Variants in DAPK1 observed in about 807,000 individuals in gnomAD.
DAPK1 encodes the protein death-associated protein kinase 1.
A neutral mutation model predicts 144.9 loss-of-function variants in DAPK1; 56 were observed. The observed-to-expected ratio is 0.39, with a 90% CI of 0.31 to 0.48. The LOEUF (loss-of-function observed/expected upper bound fraction) is 0.48. Ranked by LOEUF, DAPK1 falls within the 20% of genes least tolerant of loss-of-function variation. The pLI, the probability that DAPK1 is intolerant of heterozygous loss-of-function variation, is 0.95. For missense variants in DAPK1, 1,454 were observed against 1,875.4 expected (o/e 0.78, Z 4.15); for synonymous variants, 690 against 749.0 (o/e 0.92, Z 1.29).
At chr9:87,682,691 A>G (rs966226056) in intron 20 of DAPK1, among the ~76,000 whole-genome samples, 2 of 152,256 alleles carry the variant, frequency 1.3e-5, no homozygotes, top group African/African-American at 4.8e-5. Context: ...GCTGATACAT[A>G]TGTCAATATT....
chr9:87,659,716 A>C (rs1222900492), intron 18 of DAPK1, among the ~76,000 whole-genome samples: 1 of 152,126 alleles, frequency 6.6e-6, no homozygotes, highest in Non-Finnish European at 1.5e-5. Flanking sequence ...TTGCCACCGC[A>C]GGAAAAGCGT....
chr9:87,636,600 G>A (rs952837363), intron 3 of DAPK1, among the ~76,000 whole-genome samples: 1 of 152,122 alleles, frequency 6.6e-6, no homozygotes, highest in Non-Finnish European at 1.5e-5. Context: ...TGACCTGGAG[G>A]GTGAAGGCAT....
chr9:87,669,565 C>T (rs1023757945), intron 19 of DAPK1, among the ~76,000 whole-genome samples: 1 of 151,712 alleles, frequency 6.6e-6, no homozygotes, highest in South Asian at 2.1e-4. Flanking sequence ...TTAAAAACCA[C>T]AAACTATCTA....
At chr9:87,649,013 A>G (rs1301679052) in intron 15 of DAPK1, 134 bp downstream of exon 15, 2 of 742,370 alleles carry the variant, frequency 2.7e-6, no homozygotes, top group Non-Finnish European at 4.5e-6. Context: ...GCAAGGCTCA[A>G]GGGGCAGGGA....
intron 13 of DAPK1, 76 bp downstream of exon 13, chr9:87,646,635 GA>G: frequency 1.5e-5 from 18 of 1,176,802 alleles, no homozygotes; most frequent in Non-Finnish European, 2.1e-5. Flanking sequence ...GGTAACAGAG[GA>G]AAAAAATTTA....
chr9:87,691,139 T>C (rs1438219975), intron 21 of DAPK1, among the ~76,000 whole-genome samples: 4 of 151,990 alleles, frequency 2.6e-5, no homozygotes, highest in African/African-American at 7.2e-5. Flanking sequence ...ACTTCTCTTT[T>C]TGGGGAGGCT....
chr9:87,587,415 A>G (rs1165228236), intron 2 of DAPK1, among the ~76,000 whole-genome samples: 2 of 152,206 alleles, frequency 1.3e-5, no homozygotes, highest in Non-Finnish European at 2.9e-5. Context: ...CAAAGTCAGC[A>G]TGAGAAATTT....
At chr9:87,695,659 T>G (rs1014022863) in intron 21 of DAPK1, among the ~76,000 whole-genome samples, 1 of 152,158 alleles carries the variant, frequency 6.6e-6, no homozygotes, top group Non-Finnish European at 1.5e-5. Flanking sequence ...GCACCTCCTG[T>G]GTAGGCAGAA....
intron 2 of DAPK1, among the ~76,000 whole-genome samples, chr9:87,558,362 C>T (rs1403483530): frequency 6.6e-6 from 1 of 152,078 alleles, no homozygotes; most frequent in Non-Finnish European, 1.5e-5. Context: ...TGAGGATATA[C>T]CCACAGATCA....
chr9:87,569,516 A>G (rs1366822717), intron 2 of DAPK1, among the ~76,000 whole-genome samples: 1 of 152,192 alleles, frequency 6.6e-6, no homozygotes, highest in African/African-American at 2.4e-5. Context: ...CCTACTTTTG[A>G]CAAGCAGTTG....
chr9:87,615,411 A>G (rs1245140492), intron 3 of DAPK1, among the ~76,000 whole-genome samples: 1 of 152,354 alleles, frequency 6.6e-6, no homozygotes, highest in Middle Eastern at 3.4e-3. Flanking sequence ...GTGACCGAGC[A>G]TGGCTACTGT....
At chr9:87,606,106 C>T (rs535348612) in intron 3 of DAPK1, among the ~76,000 whole-genome samples, 10 of 152,326 alleles carry the variant, frequency 6.6e-5, no homozygotes, top group African/African-American at 2.4e-5. Flanking sequence ...ATCCAACAGT[C>T]CCCTTCTTTG....
chr9:87,650,219 A>G, intron 16 of DAPK1, 101 bp downstream of exon 16: 2 of 1,197,712 alleles, frequency 1.7e-6, no homozygotes, highest in African/African-American at 1.5e-5. Flanking sequence ...ACAAACTTGA[A>G]TGCAGCAAAC....
chr9:87,528,051 A>G (rs1587689505), intron 2 of DAPK1, among the ~76,000 whole-genome samples: 1 of 152,238 alleles, frequency 6.6e-6, no homozygotes, highest in East Asian at 1.9e-4. Context: ...AATTCTGTGC[A>G]CCAAGCCACT....
Position 87,707,586 on chromosome 9 carries a change from T to G in DAPK1, c.*222T>G. The stretch of plus-strand genomic sequence containing the variant: ...CATTGCAGTTTAAGAGCAGAACAGA[T>G]CTTTTACTTTGGCCGCTTGAAAAGC... On this transcript the variant is annotated 3_prime_UTR_variant, in exon 26 of 26. Coordinates refer to ENST00000408954, the MANE Select transcript of DAPK1 (RefSeq NM_004938.4). The surrounding 1 kb of genome is among the most constrained non-coding windows in gnomAD (Gnocchi z 4.0). The G allele has an allele frequency of 1.7e-6, 1 of 577,604 alleles. No individual in the cohort carries two copies. Among genetic ancestry groups the G allele is most frequent in the Non-Finnish European group, 3.1e-6 (1 of 325,758 alleles). 35.8% of individuals were successfully genotyped at this position (577,604 alleles called of 1,614,324 possible).
At chr9:87,605,530 TCCTC>T (rs66475647) in intron 3 of DAPK1, among the ~76,000 whole-genome samples, 19,522 of 151,902 alleles carry the variant, frequency 0.13, 1,287 homozygotes, top group South Asian at 0.21. Flanking sequence ...TCTATTCCTT[TCCTC>T]TCTCTGTTTG....
chr9:87,626,205 C>G (rs1324472359), intron 3 of DAPK1, among the ~76,000 whole-genome samples: 3 of 152,196 alleles, frequency 2.0e-5, no homozygotes, highest in Admixed American at 1.3e-4. Context: ...CACCTGAGGT[C>G]AGGAGTTTGA....
intron 2 of DAPK1, among the ~76,000 whole-genome samples, chr9:87,565,935 G>C (rs1188976032): frequency 6.6e-6 from 1 of 152,042 alleles, no homozygotes; most frequent in African/African-American, 2.4e-5. Context: ...CTGAGACCCA[G>C]AGAAGTTAAG....
At chr9:87,643,093 G>T (rs1171495478) in intron 10 of DAPK1, among the ~76,000 whole-genome samples, 1 of 152,276 alleles carries the variant, frequency 6.6e-6, no homozygotes, top group East Asian at 1.9e-4. Context: ...AGGATGTGGG[G>T]TGTCCAGCTC....
Sources: gnomAD v4.1 joint callset for allele counts (sites outside exome capture counted in the v4.1 genomes callset) on GRCh38, gnomAD v4.1.1 for gene constraint, Gnocchi (gnomAD v3.1) non-coding constraint, MANE v1.5 for transcripts, NCBI Gene and HGNC (gene_info 2026-07-23, HGNC 2026-07-21) for gene names.